ICA1: variants seen among roughly 807,000 people sequenced by gnomAD.
ICA1 encodes the protein 69 kDa islet cell autoantigen.
In ICA1, 40 loss-of-function variants were observed where a neutral mutation model predicts 71.0. The ratio of observed to expected loss-of-function variants is 0.56; its 90% CI spans 0.44 to 0.73. The LOEUF (loss-of-function observed/expected upper bound fraction) is 0.73. Ranked by LOEUF, ICA1 falls within the 30% of genes least tolerant of loss-of-function variation. The pLI, the probability that ICA1 is intolerant of heterozygous loss-of-function variation, is 0.00. For missense variants in ICA1, 578 were observed against 576.5 expected (o/e 1.00, Z -0.03); for synonymous variants, 207 against 209.5 (o/e 0.99, Z 0.10).
intron 6 of ICA1, among the ~76,000 whole-genome samples, chr7:8,168,768 G>A (rs1285725709): frequency 6.6e-6 from 1 of 152,114 alleles, no homozygotes; most frequent in African/African-American, 2.4e-5. Flanking sequence ...CCTGTTTTTA[G>A]GGGAAAAGTA....
chr7:8,221,775 G>C (rs1047842988), intron 4 of ICA1, among the ~76,000 whole-genome samples: 18 of 152,170 alleles, frequency 1.2e-4, no homozygotes, highest in African/African-American at 4.1e-4. Context: ...TGCAGTGCTA[G>C]CTGCCTCTCA....
chr7:8,170,274 G>A (rs1164637583), intron 6 of ICA1, among the ~76,000 whole-genome samples: 1 of 151,978 alleles, frequency 6.6e-6, no homozygotes, highest in East Asian at 1.9e-4. Context: ...AAATCATGTA[G>A]TATAAATCTT....
chr7:8,164,337 T>C (rs1000169437), intron 6 of ICA1, among the ~76,000 whole-genome samples: 16 of 145,188 alleles, frequency 1.1e-4, no homozygotes, highest in East Asian at 6.1e-4. Flanking sequence ...AAAGAATAGA[T>C]CTGGAGTCAA....
intron 6 of ICA1, among the ~76,000 whole-genome samples, chr7:8,206,723 G>T (rs747469528): frequency 3.3e-4 from 43 of 131,178 alleles, no homozygotes; most frequent in South Asian, 6.8e-4. Context: ...TTCTCCCACA[G>T]GTTTAAAATG....
intron 6 of ICA1, among the ~76,000 whole-genome samples, chr7:8,203,380 C>G (rs1162488435): frequency 2.0e-5 from 3 of 152,052 alleles, no homozygotes; most frequent in Admixed American, 2.0e-4. Context: ...AAGTCAGATA[C>G]CTCTTATTAA....
chr7:8,162,410 G>T (rs888303673), intron 6 of ICA1, among the ~76,000 whole-genome samples: 9 of 152,112 alleles, frequency 5.9e-5, no homozygotes, highest in African/African-American at 2.2e-4. Context: ...CTACACTGTT[G>T]GGCGTTTTGA....
chr7:8,208,636 T>C (rs988958975), intron 6 of ICA1, among the ~76,000 whole-genome samples: 2 of 152,218 alleles, frequency 1.3e-5, no homozygotes, highest in Admixed American at 6.5e-5. Flanking sequence ...TGTGTTGCTA[T>C]GACAGACTTA....
intron 6 of ICA1, among the ~76,000 whole-genome samples, chr7:8,174,447 A>T (rs1285263734): frequency 6.6e-6 from 1 of 152,144 alleles, no homozygotes; most frequent in Non-Finnish European, 1.5e-5. Flanking sequence ...TTAAATGTGC[A>T]TATAAAGTTG....
At chr7:8,204,597 G>C (rs564847484) in intron 6 of ICA1, among the ~76,000 whole-genome samples, 23 of 152,272 alleles carry the variant, frequency 1.5e-4, no homozygotes, top group South Asian at 1.4e-3. Context: ...ATTCAAATAT[G>C]TTAATTTTCT....
rs1458387124 is a variant in ICA1, at chr7:8,157,099, C to T, written c.804+17G>A. On this transcript the variant is annotated intron_variant, in intron 8 of 13. Transcript: ENST00000402384. ...ACTTTTCTCAAGATTTTCTAGTGGC[C>T]CCTCTAGCTTCCATACCTTTAAAGT... 2 of 1,614,154 alleles carry T rather than the reference C, an allele frequency of 1.2e-6. No individual in the cohort carries two copies. Among genetic ancestry groups the T allele is most frequent in the Non-Finnish European group, 1.7e-6 (2 of 1,180,034 alleles).
intron 13 of ICA1, among the ~76,000 whole-genome samples, chr7:8,121,559 A>T (rs956524220): frequency 1.3e-5 from 2 of 152,232 alleles, no homozygotes; most frequent in African/African-American, 4.8e-5. Context: ...AAAACAATTC[A>T]GTTCATGGAA....
chr7:8,200,338 C>CAAAAAAAAA (rs34371233), intron 6 of ICA1, among the ~76,000 whole-genome samples: 4 of 67,952 alleles, frequency 5.9e-5, no homozygotes, highest in African/African-American at 6.0e-5. Context: ...CACAGTTGAG[C>CAAAAAAAAA]AAAAAAAAAA....
chr7:8,157,256 C>T (rs771043792), intron 7 of ICA1, 42 bp from the exon 8 acceptor site: 1 of 1,533,724 alleles, frequency 6.5e-7, no homozygotes, highest in African/African-American at 1.4e-5. Flanking sequence ...TTTGAATGCC[C>T]AGTTCTAGTC....
intron 4 of ICA1, among the ~76,000 whole-genome samples, chr7:8,227,398 G>A (rs906256729): frequency 6.6e-6 from 1 of 152,246 alleles, no homozygotes; most frequent in South Asian, 2.1e-4. Context: ...TATTTAGGAG[G>A]CAAAATACCA....
intron 8 of ICA1, among the ~76,000 whole-genome samples, chr7:8,153,344 C>A (rs1221447815): frequency 6.6e-6 from 1 of 152,122 alleles, no homozygotes; most frequent in African/African-American, 2.4e-5. Flanking sequence ...GGAGGACAGG[C>A]CCCTGGATGA....
chr7:8,148,868 C>A (rs1034157133), intron 8 of ICA1, among the ~76,000 whole-genome samples: 7 of 152,146 alleles, frequency 4.6e-5, no homozygotes, highest in African/African-American at 1.4e-4. Context: ...AAAATCATAA[C>A]CCCCTTTATC....
At chr7:8,176,732 T>C (rs1254711190) in intron 6 of ICA1, among the ~76,000 whole-genome samples, 2 of 151,088 alleles carry the variant, frequency 1.3e-5, no homozygotes, top group Non-Finnish European at 3.0e-5. Flanking sequence ...CTTTCTCAGA[T>C]ACCATCCCTC....
chr7:8,213,535 G>C (rs1446808978), intron 6 of ICA1, among the ~76,000 whole-genome samples: 1 of 152,196 alleles, frequency 6.6e-6, no homozygotes, highest in East Asian at 1.9e-4. Context: ...TGAGATGGTT[G>C]AGCAGTGACA....
In ICA1 at chr7:8,200,706, C is replaced by A. The variant is rs59473214; in HGVS notation, c.579+17599G>T. On this transcript the variant is annotated intron_variant, in intron 6 of 13. Coordinates refer to ENST00000402384, the MANE Select transcript of ICA1 (RefSeq NM_001136020.3). ...TGACTACTGAAAATCATTTTAGATTCTTCAGTATAATGAAAGAGTTTCATG... is the reference window on the plus strand; with the variant it reads ...TGACTACTGAAAATCATTTTAGATTATTCAGTATAATGAAAGAGTTTCATG... 9.8e-3 allele frequency among the ~76,000 whole-genome samples: 1,497 copies of A among 152,282 alleles called. 30 individuals carry two copies. The highest frequency in any genetic ancestry group is 0.034 in the African/African-American group (1,422 of 41,534).
Sources: allele counts gnomAD v4.1 joint callset (sites outside exome capture counted in the v4.1 genomes callset), GRCh38; gene constraint gnomAD v4.1.1; transcripts MANE v1.5; gene names NCBI Gene and HGNC (gene_info 2026-07-23, HGNC 2026-07-21).